IFT140: variants seen among roughly 807,000 people sequenced by gnomAD.
The protein encoded by IFT140 is intraflagellar transport protein 140 homolog.
In IFT140, 133 loss-of-function variants were observed where a neutral mutation model predicts 164.6. The observed-to-expected ratio is 0.81, with a 90% CI of 0.70 to 0.93. The LOEUF (loss-of-function observed/expected upper bound fraction) is 0.93. Among genes scored for constraint, IFT140 ranks in the 40% least tolerant of loss-of-function variants. IFT140 has a pLI of 0.00. For missense variants in IFT140, 2,045 were observed against 1,972.3 expected (o/e 1.04, Z -0.70); for synonymous variants, 860 against 817.3 (o/e 1.05, Z -0.89).
intron 19 of IFT140, among the ~76,000 whole-genome samples, chr16:1,543,629 C>T (rs2031867767): frequency 6.6e-6 from 1 of 152,184 alleles, no homozygotes; most frequent in Non-Finnish European, 1.5e-5. Context: ...GTAATTTCTG[C>T]CCCCACCCAA....
At chr16:1,532,869 C>T (rs67832788) in intron 19 of IFT140, 13,996 of 152,316 alleles carry the variant, frequency 0.092, 828 homozygotes, top group African/African-American at 0.16. Flanking sequence ...AGAGCCTGAC[C>T]ACTCACAAGG....
chr16:1,605,575 C>A (rs368368856), intron 3 of IFT140, among the ~76,000 whole-genome samples: 1 of 151,876 alleles, frequency 6.6e-6, no homozygotes, highest in South Asian at 2.1e-4. Context: ...CCGGCTAATT[C>A]TTGTATTTTT....
chr16:1,579,880 C>T (rs377302319), intron 13 of IFT140, among the ~76,000 whole-genome samples: 5 of 151,284 alleles, frequency 3.3e-5, no homozygotes, highest in African/African-American at 1.2e-4. Context: ...AGGAGAATCG[C>T]TTGTACCTGG....
In IFT140 at chr16:1,568,198, G is replaced by A. The variant is rs769017872; in HGVS notation, c.1770+19C>T. 6.4e-7 allele frequency: 1 copy of A among 1,556,350 alleles called. No homozygotes were observed. The highest frequency in any genetic ancestry group is 8.7e-7 in the Non-Finnish European group (1 of 1,144,804). The stretch of plus-strand genomic sequence containing the variant: ...AGGTGAGGAGGCGGAGTGGGCGAGT[G>A]GACGAGGGGTGGCCTCACCTTGCTG... On this transcript the variant is annotated intron_variant, in intron 15 of 30. Transcript: ENST00000426508.
chr16:1,576,874 C>T (rs187057001), intron 13 of IFT140: 2 of 152,206 alleles, frequency 1.3e-5, no homozygotes, highest in Non-Finnish European at 2.9e-5. Context: ...TGGCCCACAT[C>T]GTGCTCCTGT....
intron 19 of IFT140, among the ~76,000 whole-genome samples, chr16:1,545,216 G>C (rs371116025): frequency 5.3e-5 from 8 of 152,272 alleles, no homozygotes. Flanking sequence ...TGGCGGGGGC[G>C]GGACTGTGCT....
Position 1,564,141 on chromosome 16 carries a change from C to A in IFT140, c.1923G>T (p.Glu641Asp). The A allele has an allele frequency of 1.3e-6, 2 of 1,581,898 alleles. No individual in the cohort carries two copies. Among genetic ancestry groups the A allele is most frequent in the Non-Finnish European group, 1.7e-6 (2 of 1,156,550 alleles). ...TCACGGGAACATAATTTTTCAGTCC[C>A]TCATCCACAAAGAGGTGGCTCCTAA... ...ETNKSHLFVD[E>D]GLKNYVPVNH... is the part of the protein sequence containing the mutation. The change falls in exon 17 of 31, where the codon GAG (glutamate) becomes GAT (aspartate). Residue 641 changes from glutamate (E) to aspartate (D), a missense_variant. Coordinates refer to ENST00000426508, the MANE Select transcript of IFT140 (RefSeq NM_014714.4). The surrounding 1 kb of genome is among the most constrained non-coding windows in gnomAD (Gnocchi z 5.5).
intron 17 of IFT140, among the ~76,000 whole-genome samples, chr16:1,563,516 C>T (rs2033541150): frequency 6.6e-6 from 1 of 151,898 alleles, no homozygotes; most frequent in Non-Finnish European, 1.5e-5. Flanking sequence ...GCAGTTGAGA[C>T]AAGAGAACCA....
intron 2 of IFT140, among the ~76,000 whole-genome samples, chr16:1,609,523 CAG>C (rs1350637945): frequency 2.0e-5 from 3 of 152,216 alleles, no homozygotes; most frequent in Non-Finnish European, 2.9e-5. Flanking sequence ...TTATCTTCCC[CAG>C]AGAGCAGGAG....
At chr16:1,560,500 C>G (rs2033345802) in intron 18 of IFT140, among the ~76,000 whole-genome samples, 2 of 152,238 alleles carry the variant, frequency 1.3e-5, no homozygotes, top group African/African-American at 4.8e-5. Context: ...CCCACCCCAC[C>G]ACCACCGTGT....
chr16:1,555,624 T>G (rs2033028281), intron 19 of IFT140: 1 of 152,516 alleles, frequency 6.6e-6, no homozygotes, highest in African/African-American at 2.4e-5. Context: ...TGAAAAACAT[T>G]TGATCCACTT....
Position 1,524,137 on chromosome 16 carries a change from G to A in IFT140, c.3142-181C>T, listed in dbSNP as rs1455432850. 24 of 782,004 alleles carry A rather than the reference G, an allele frequency of 3.1e-5. No homozygotes were observed. The Admixed American group carries it at 3.6e-4, about 12-fold the overall frequency. The allele number at this position is 782,004 out of a possible 1,614,324, so 48.4% of individuals were successfully genotyped here. On this transcript the variant is annotated intron_variant, in intron 24 of 30. Coordinates refer to ENST00000426508, the MANE Select transcript of IFT140 (RefSeq NM_014714.4). ...CTGGGTTTGTCTACAAGGATTTTCCGATGCTCTGGGTTCTATTTCACAGAG... is the reference window on the plus strand; with the variant it reads ...CTGGGTTTGTCTACAAGGATTTTCCAATGCTCTGGGTTCTATTTCACAGAG...
rs1334687216 is a variant in IFT140, at chr16:1,520,235, G to A, written c.3769C>T (p.Leu1257=). The change falls in exon 28 of 31, where the codon CTG becomes TTG. Residue 1257 remains leucine (L), a synonymous_variant. Transcript: ENST00000426508. ...YIMAANYLQS[L]DWRKEPEIMK... Reference sequence around the variant, plus strand: ...ATCTCCGGCTCCTTCCGCCAGTCCAGGGACTGCAGGTAGTTAGCAGCCATG... The same window carrying A: ...ATCTCCGGCTCCTTCCGCCAGTCCAAGGACTGCAGGTAGTTAGCAGCCATG... The A allele has an allele frequency of 6.2e-7, 1 of 1,614,254 alleles. No homozygotes were observed. Among genetic ancestry groups the A allele is most frequent in the Admixed American group, 1.7e-5 (1 of 60,034 alleles).
At chr16:1,571,621 T>C in intron 13 of IFT140, 87 bp from the exon 14 acceptor site, 1 of 1,350,822 alleles carries the variant, frequency 7.4e-7, no homozygotes, top group Admixed American at 2.0e-5. Flanking sequence ...AAGAAATGGA[T>C]ATATTTCATG....
chr16:1,526,299 G>GC (rs572947210), intron 20 of IFT140: 4 of 515,808 alleles, frequency 7.8e-6, no homozygotes, highest in South Asian at 6.6e-5. Flanking sequence ...ACCTCCCACA[G>GC]CCCCCCTCCC....
At chr16:1,529,620 C>A (rs1189656507) in intron 19 of IFT140, among the ~76,000 whole-genome samples, 2 of 152,242 alleles carry the variant, frequency 1.3e-5, no homozygotes, top group African/African-American at 4.8e-5. Context: ...GGCTGTGCTG[C>A]CCTCGGTCCT....
chr16:1,553,474 C>G lies in IFT140; in HGVS notation c.2399+4461G>C, dbSNP rs1311269450. The G allele has an allele frequency of 1.0e-6, 1 of 985,306 alleles. No individual in the cohort carries two copies. The highest frequency in any genetic ancestry group is 1.2e-6 in the Non-Finnish European group (1 of 829,946). The allele number at this position is 985,306 out of a possible 1,614,324, so 61.0% of individuals were successfully genotyped here. ...CACAGGTGTCAACATGCAGGCCAGGCGGAGGGACAGCAGTGGGGCTCGGCG... is the reference window on the plus strand; with the variant it reads ...CACAGGTGTCAACATGCAGGCCAGGGGGAGGGACAGCAGTGGGGCTCGGCG... On this transcript the variant is annotated intron_variant, in intron 19 of 30. Transcript: ENST00000426508. The surrounding 1 kb of genome is among the most constrained non-coding windows in gnomAD (Gnocchi z 4.4).
At chr16:1,539,938 G>T (rs2031469074) in intron 19 of IFT140, among the ~76,000 whole-genome samples, 2 of 152,198 alleles carry the variant, frequency 1.3e-5, no homozygotes. Context: ...CAGGGCTGGG[G>T]GCGCCACCCA....
chr16:1,568,447 C>T (rs2033844288), intron 14 of IFT140, 113 bp from the exon 15 acceptor site: 5 of 864,600 alleles, frequency 5.8e-6, no homozygotes, highest in Non-Finnish European at 9.1e-6. Flanking sequence ...TAGGCTGCTT[C>T]TCACCCTGGG....
Sources: gnomAD v4.1 joint callset for allele counts (sites outside exome capture counted in the v4.1 genomes callset) on GRCh38, gnomAD v4.1.1 for gene constraint, Gnocchi (gnomAD v3.1) non-coding constraint, MANE v1.5 for transcripts, NCBI Gene and HGNC (gene_info 2026-07-23, HGNC 2026-07-21) for gene names.